Variants in DPP10 observed in about 807,000 individuals in gnomAD.
The protein encoded by DPP10 is inactive dipeptidyl peptidase 10.
In DPP10, 33 loss-of-function variants were observed where a neutral mutation model predicts 120.9. The observed-to-expected ratio is 0.27, with a 90% CI of 0.21 to 0.37. The LOEUF is 0.37. DPP10 is among the 10% of genes least tolerant of loss of function. DPP10 has a pLI of 1.00. For synonymous variants in DPP10, 337 were observed against 326.1 expected, an observed-to-expected ratio of 1.03 and a Z score of -0.36; for missense variants, 816 against 942.8, an observed-to-expected ratio of 0.87 and a Z score of 1.76.
chr2:115,130,114 A>C (rs2050264628), intron 1 of DPP10, among the ~76,000 whole-genome samples: 1 of 152,164 alleles, frequency 6.6e-6, no homozygotes, highest in Admixed American at 6.5e-5. Context: ...TCACTCCAAA[A>C]ATAAAAGTTT....
intron 10 of DPP10, 108 bp downstream of exon 10, chr2:115,746,291 A>T: frequency 1.0e-6 from 1 of 999,338 alleles, no homozygotes; most frequent in Non-Finnish European, 1.5e-6. Context: ...ATCCACTTGA[A>T]AATAAAGCTG....
chr2:114,670,717 T>C (rs1270897654), intron 1 of DPP10, among the ~76,000 whole-genome samples: 1 of 152,118 alleles, frequency 6.6e-6, no homozygotes, highest in Non-Finnish European at 1.5e-5. Flanking sequence ...AATCATAAAA[T>C]CTACATATGC....
intron 1 of DPP10, among the ~76,000 whole-genome samples, chr2:114,558,650 C>G (rs541741045): frequency 1.2e-3 from 188 of 152,296 alleles, no homozygotes; most frequent in Non-Finnish European, 2.2e-3. Context: ...GTGCCCAGCC[C>G]AATGGCAGAC....
chr2:115,219,001 A>G (rs2056986270), intron 1 of DPP10, among the ~76,000 whole-genome samples: 1 of 152,084 alleles, frequency 6.6e-6, no homozygotes, highest in Admixed American at 6.6e-5. Context: ...TACTTATTAC[A>G]CCCTACAACT....
intron 5 of DPP10, among the ~76,000 whole-genome samples, chr2:115,546,306 C>A (rs868621701): frequency 6.6e-6 from 1 of 152,080 alleles, no homozygotes; most frequent in East Asian, 1.9e-4. Flanking sequence ...CCCAAAATTA[C>A]GTATGTATAC....
intron 1 of DPP10, among the ~76,000 whole-genome samples, chr2:114,734,606 C>T (rs1677240352): frequency 6.6e-6 from 1 of 152,150 alleles, no homozygotes; most frequent in Admixed American, 6.5e-5. Context: ...TAGGACTCCC[C>T]TAGGGCTGTG....
chr2:115,553,163 A>G (rs565517693), intron 5 of DPP10, among the ~76,000 whole-genome samples: 13 of 152,182 alleles, frequency 8.5e-5, no homozygotes, highest in African/African-American at 3.1e-4. Flanking sequence ...CTATCTAGAT[A>G]TTATTATTTT....
intron 1 of DPP10, among the ~76,000 whole-genome samples, chr2:114,589,580 A>G (rs759616093): frequency 6.6e-6 from 1 of 152,210 alleles, no homozygotes; most frequent in Non-Finnish European, 1.5e-5. Flanking sequence ...GAGGGTGGTT[A>G]TAAGTGTGTC....
chr2:114,570,852 A>G (rs988833527), intron 1 of DPP10, among the ~76,000 whole-genome samples: 22 of 150,916 alleles, frequency 1.5e-4, no homozygotes, highest in Non-Finnish European at 2.4e-4. Context: ...AAAAAAAAAA[A>G]AAAAAAAAGA....
At chr2:114,961,978 A>G (rs569191926) in intron 1 of DPP10, among the ~76,000 whole-genome samples, 1 of 152,218 alleles carries the variant, frequency 6.6e-6, no homozygotes, top group South Asian at 2.1e-4. Context: ...ATAAAAAATA[A>G]AAGGTACTCA....
At chr2:115,569,000 A>C (rs1383673425) in intron 5 of DPP10, among the ~76,000 whole-genome samples, 3 of 152,176 alleles carry the variant, frequency 2.0e-5, no homozygotes, top group Admixed American at 6.6e-5. Context: ...GTGTCTTTCT[A>C]CTGTCCATGC....
At chr2:114,621,960 C>A (rs1373742187) in intron 1 of DPP10, among the ~76,000 whole-genome samples, 1 of 151,810 alleles carries the variant, frequency 6.6e-6, no homozygotes, top group African/African-American at 2.4e-5. Flanking sequence ...AAAGAAATGA[C>A]CTCAGCCCAT....
chr2:114,770,434 T>C (rs2106147269), intron 1 of DPP10, among the ~76,000 whole-genome samples: 1 of 152,312 alleles, frequency 6.6e-6, no homozygotes, highest in African/African-American at 2.4e-5. Flanking sequence ...GTAGTAATAC[T>C]TCAACTAGAT....
chr2:115,451,969 A>G (rs1035939361), intron 3 of DPP10, among the ~76,000 whole-genome samples: 8 of 151,830 alleles, frequency 5.3e-5, no homozygotes, highest in African/African-American at 1.9e-4. Context: ...ATGGAACTGG[A>G]TATGACATTA....
intron 1 of DPP10, among the ~76,000 whole-genome samples, chr2:114,849,491 C>A (rs1030207791): frequency 1.3e-5 from 2 of 152,012 alleles, no homozygotes; most frequent in Non-Finnish European, 2.9e-5. Flanking sequence ...CACACACCGT[C>A]ACACCTGGCT....
At chr2:114,548,990 C>A (rs576826204) in intron 1 of DPP10, among the ~76,000 whole-genome samples, 1 of 152,152 alleles carries the variant, frequency 6.6e-6, no homozygotes, top group Admixed American at 6.5e-5. Context: ...CGGAATCACA[C>A]GAGCACATAG....
At chr2:114,579,936 C>T (rs1284732546) in intron 1 of DPP10, among the ~76,000 whole-genome samples, 41 of 152,124 alleles carry the variant, frequency 2.7e-4, no homozygotes, top group Non-Finnish European at 2.1e-4. Flanking sequence ...CTGTTGCATT[C>T]TAAAATGTGA....
At position 114,754,104 on chromosome 2, in the gene DPP10, G is replaced by A. The variant is rs778862611; in HGVS notation, c.60+311266G>A. 3.2e-4 allele frequency among the ~76,000 whole-genome samples: 48 copies of A among 152,110 alleles called. 1 individual carries two copies. Among genetic ancestry groups the A allele is most frequent in the Non-Finnish European group, 5.3e-4 (36 of 68,024 alleles). On this transcript the variant is annotated intron_variant, in intron 1 of 25. Transcript: ENST00000410059. ...TTCAAACTGGAAGATTGGGAAAGAA[G>A]CTAGAGTTTTCTATAGTGGCTCCAT...
chr2:115,568,835 A>C (rs545428149), intron 5 of DPP10, among the ~76,000 whole-genome samples: 1 of 152,252 alleles, frequency 6.6e-6, no homozygotes, highest in Admixed American at 6.5e-5. Context: ...GTTTTTAATA[A>C]TGTTGAGTCA....
Sources: gnomAD v4.1 joint callset for allele counts (sites outside exome capture counted in the v4.1 genomes callset) on GRCh38, gnomAD v4.1.1 for gene constraint, MANE v1.5 for transcripts, NCBI Gene and HGNC (gene_info 2026-07-23, HGNC 2026-07-21) for gene names.